EMB: variants seen among roughly 807,000 people sequenced by gnomAD.
EMB encodes embigin homolog.
A neutral mutation model predicts 41.4 loss-of-function variants in EMB; 31 were observed. The ratio of observed to expected loss-of-function variants is 0.75; its 90% CI spans 0.56 to 1.01. The LOEUF is 1.01. Ranked by LOEUF, EMB falls within the 50% of genes least tolerant of loss-of-function variation. The pLI, the probability that EMB is intolerant of heterozygous loss-of-function variation, is 0.00. For missense variants in EMB, 379 were observed against 388.3 expected, an observed-to-expected ratio of 0.98 and a Z score of 0.20; for synonymous variants, 137 against 140.4, an observed-to-expected ratio of 0.98 and a Z score of 0.17.
intron 8 of EMB, 65 bp downstream of exon 8, chr5:50,399,794 T>C: frequency 7.7e-7 from 1 of 1,297,784 alleles, no homozygotes; most frequent in South Asian, 1.3e-5. Flanking sequence ...AGTAACTGAT[T>C]GATAGATAGC....
intron 1 of EMB, among the ~76,000 whole-genome samples, chr5:50,437,325 A>T (rs1704543750): frequency 6.6e-6 from 1 of 152,188 alleles, no homozygotes; most frequent in East Asian, 1.9e-4. Flanking sequence ...CTTATGGTTC[A>T]TCTGTTCCAT....
At chr5:50,402,412 G>A in intron 6 of EMB, 93 bp from the exon 7 acceptor site, 3 of 1,144,090 alleles carry the variant, frequency 2.6e-6, no homozygotes, top group Non-Finnish European at 3.9e-6. Flanking sequence ...AAGTAAGTAA[G>A]TACTATGCTG....
chr5:50,425,376 A>C (rs1357860015), intron 2 of EMB, among the ~76,000 whole-genome samples: 1 of 152,136 alleles, frequency 6.6e-6, no homozygotes, highest in Non-Finnish European at 1.5e-5. Context: ...TCAACACAGG[A>C]GAGGTGATTC....
At chr5:50,436,917 AT>A (rs1181276824) in intron 1 of EMB, among the ~76,000 whole-genome samples, 1 of 152,220 alleles carries the variant, frequency 6.6e-6, no homozygotes, top group Non-Finnish European at 1.5e-5. Flanking sequence ...TCAACATATA[AT>A]TTTTTTGTGA....
At chr5:50,400,956 C>T (rs1273018438) in intron 7 of EMB, among the ~76,000 whole-genome samples, 1 of 151,862 alleles carries the variant, frequency 6.6e-6, no homozygotes, top group Non-Finnish European at 1.5e-5. Flanking sequence ...AGGCAGAGCT[C>T]GGAGAATAGA....
At chr5:50,436,665 C>G (rs943714015) in intron 1 of EMB, among the ~76,000 whole-genome samples, 1 of 152,236 alleles carries the variant, frequency 6.6e-6, no homozygotes, top group Non-Finnish European at 1.5e-5. Context: ...ATTCACTGTG[C>G]TCAGGCCCTA....
chr5:50,409,254 A>G (rs1399651964), intron 4 of EMB, among the ~76,000 whole-genome samples: 1 of 152,096 alleles, frequency 6.6e-6, no homozygotes, highest in Non-Finnish European at 1.5e-5. Flanking sequence ...GTTAATCTTC[A>G]CATTAGACAC....
intron 2 of EMB, among the ~76,000 whole-genome samples, chr5:50,413,917 C>G (rs879616287): frequency 3.3e-5 from 5 of 152,098 alleles, no homozygotes; most frequent in African/African-American, 1.2e-4. Flanking sequence ...TTGTATCGGA[C>G]GTCAGGTGCT....
chr5:50,401,017 G>C (rs1234884152), intron 7 of EMB, among the ~76,000 whole-genome samples: 1 of 151,924 alleles, frequency 6.6e-6, no homozygotes, highest in Admixed American at 6.6e-5. Flanking sequence ...TGTCACGTTT[G>C]TTATATGATG....
chr5:50,399,586 A>G (rs1453133069), intron 8 of EMB, among the ~76,000 whole-genome samples: 3 of 152,060 alleles, frequency 2.0e-5, no homozygotes, highest in African/African-American at 7.2e-5. Context: ...AAAAATTGTA[A>G]AAGAAACTAG....
chr5:50,412,635 T>A (rs1297276757), intron 2 of EMB, among the ~76,000 whole-genome samples: 3 of 149,804 alleles, frequency 2.0e-5, no homozygotes, highest in South Asian at 2.2e-4. Context: ...CACTTTTAAC[T>A]GGCCCTTTGA....
At chr5:50,401,505 C>T (rs1275991921) in intron 7 of EMB, among the ~76,000 whole-genome samples, 1 of 151,980 alleles carries the variant, frequency 6.6e-6, no homozygotes, top group African/African-American at 2.4e-5. Flanking sequence ...TGGACTCCAG[C>T]CCTTGGCTCT....
At position 50,428,405 on chromosome 5, in the gene EMB, G is replaced by GA. The variant is rs757271865; in HGVS notation, c.113-179dup. On this transcript the variant is annotated intron_variant, in intron 1 of 8. Coordinates refer to ENST00000303221, the MANE Select transcript of EMB (RefSeq NM_198449.3). ...AGAGATATATTAGGCTATTAAATGT[G>GA]AAAAAAATTCTGATTTTTTTTCTTT... is the stretch of plus-strand genomic sequence containing the variant. 9.1e-6 allele frequency: 11 copies of GA among 1,205,934 alleles called. No individual in the cohort carries two copies. In the East Asian group the frequency reaches 1.6e-4, roughly 18 times the overall value. The allele number at this position is 1,205,934 out of a possible 1,614,324, so 74.7% of individuals were successfully genotyped here. A position where few individuals can be genotyped will look rare whatever the true frequency, so the allele number is the denominator to read the frequency against.
rs1173970722 is a variant in EMB at position 50,402,285 on chromosome 5, C to T, written c.911+1G>A. 4.4e-6 allele frequency: 7 copies of T among 1,608,688 alleles called. No homozygotes were observed. In the African/African-American group the frequency reaches 8.0e-5, roughly 18 times the overall value. On this transcript the variant is annotated splice_donor_variant, in intron 7 of 8. Transcript: ENST00000303221. LOFTEE classifies it high-confidence loss of function. ...ATTAATCTGTAAAAAATAATACTTA[C>T]AGCTGTTCAATCTGCTCAAATTCTT... is the stretch of plus-strand genomic sequence containing the variant.
intron 7 of EMB, among the ~76,000 whole-genome samples, chr5:50,400,375 T>C (rs556243148): frequency 1.2e-4 from 18 of 152,090 alleles, no homozygotes; most frequent in African/African-American, 4.1e-4. Context: ...ATTCTAAAGA[T>C]TGACGGAAAC....
At position 50,396,829 on chromosome 5, in the gene EMB, C is replaced by T. The variant is rs1561128153; in HGVS notation, c.*2444G>A. ...GCAGGTGTGGGCAGAGTTGGGGAGG[C>T]AATGGGATGGATTCATGAGCTATTA... On this transcript the variant is annotated 3_prime_UTR_variant, in exon 9 of 9. Transcript: ENST00000303221. The T allele has an allele frequency of 6.6e-6, 1 of 151,864 alleles. No individual in the cohort carries two copies. Among genetic ancestry groups the T allele is most frequent in the Non-Finnish European group, 1.5e-5 (1 of 68,014 alleles). 9.4% of individuals were successfully genotyped at this position (151,864 alleles called of 1,614,324 possible). A position where few individuals can be genotyped will look rare whatever the true frequency, so the allele number is the denominator to read the frequency against.
chr5:50,414,427 G>A (rs1745395419), intron 2 of EMB, among the ~76,000 whole-genome samples: 1 of 147,816 alleles, frequency 6.8e-6, no homozygotes, highest in East Asian at 2.1e-4. Flanking sequence ...GTCTCAGGTA[G>A]AGGTGGGAAG....
intron 1 of EMB, among the ~76,000 whole-genome samples, chr5:50,429,359 G>C (rs769067048): frequency 5.9e-5 from 9 of 152,102 alleles, no homozygotes; most frequent in Non-Finnish European, 8.8e-5. Context: ...TGAAACCTGA[G>C]CCATTTTTAT....
chr5:50,428,813 T>G, intron 1 of EMB: 1 of 874,458 alleles, frequency 1.1e-6, no homozygotes, highest in Non-Finnish European at 1.4e-6. Flanking sequence ...TTTGAAAACT[T>G]TAATTAAAGA....
Sources: allele counts gnomAD v4.1 joint callset (sites outside exome capture counted in the v4.1 genomes callset), GRCh38; gene constraint gnomAD v4.1.1; transcripts MANE v1.5; gene names NCBI Gene and HGNC (gene_info 2026-07-23, HGNC 2026-07-21).